The following HS3ST5 variants were observed in gnomAD, a reference collection of about 807,000 sequenced individuals.
The protein encoded by HS3ST5 is heparan sulfate-glucosamine 3-sulfotransferase 5.
In HS3ST5, 10 loss-of-function variants were observed where a neutral mutation model predicts 25.4. The ratio of observed to expected loss-of-function variants is 0.39; its 90% CI spans 0.24 to 0.67. The LOEUF is 0.67. Ranked by LOEUF, HS3ST5 falls within the 30% of genes least tolerant of loss-of-function variation. HS3ST5 has a pLI of 0.44. For missense variants in HS3ST5, 324 were observed against 420.7 expected, an observed-to-expected ratio of 0.77 and a Z score of 2.01; for synonymous variants, 170 against 162.4, an observed-to-expected ratio of 1.05 and a Z score of -0.36.
intron 1 of HS3ST5, among the ~76,000 whole-genome samples, chr6:114,335,354 A>T (rs1003698368): frequency 2.6e-5 from 4 of 152,178 alleles, no homozygotes; most frequent in South Asian, 2.1e-4. Context: ...TGATCTCTTA[A>T]GTCAAGTTAT....
At chr6:114,095,388 T>A (rs1775368079) in intron 3 of HS3ST5, among the ~76,000 whole-genome samples, 1 of 152,158 alleles carries the variant, frequency 6.6e-6, no homozygotes, top group Non-Finnish European at 1.5e-5. Flanking sequence ...CCCGTCAAAC[T>A]AGTGAAGTTC....
At chr6:114,277,011 T>C (rs1773886045) in intron 1 of HS3ST5, among the ~76,000 whole-genome samples, 1 of 151,928 alleles carries the variant, frequency 6.6e-6, no homozygotes, top group African/African-American at 2.4e-5. Context: ...AGAATGAACA[T>C]CAATATGACT....
chr6:114,254,904 C>T (rs1280852278), intron 1 of HS3ST5, among the ~76,000 whole-genome samples: 1 of 152,142 alleles, frequency 6.6e-6, no homozygotes, highest in East Asian at 1.9e-4. Context: ...GGTAGGGACA[C>T]AGCCAAACCA....
chr6:114,324,802 C>T (rs1478613719), intron 1 of HS3ST5, among the ~76,000 whole-genome samples: 5 of 152,160 alleles, frequency 3.3e-5, no homozygotes, highest in Non-Finnish European at 7.4e-5. Flanking sequence ...CTCCACAGGT[C>T]TGAACTATCA....
intron 2 of HS3ST5, among the ~76,000 whole-genome samples, chr6:114,226,191 A>T (rs920873368): frequency 6.6e-6 from 1 of 151,962 alleles, no homozygotes; most frequent in African/African-American, 2.4e-5. Context: ...TTGAAAGTAC[A>T]TTGTCTTATT....
chr6:114,211,120 T>A (rs891778649), intron 2 of HS3ST5, among the ~76,000 whole-genome samples: 1 of 152,232 alleles, frequency 6.6e-6, no homozygotes, highest in Non-Finnish European at 1.5e-5. Flanking sequence ...CTGGACACAT[T>A]CTTATTACAA....
intron 3 of HS3ST5, among the ~76,000 whole-genome samples, chr6:114,123,838 AT>A (rs142137287): frequency 0.089 from 13,484 of 151,830 alleles, 628 homozygotes; most frequent in East Asian, 0.13. Context: ...CTCCAAGATA[AT>A]TTTTTTTTCT....
At chr6:114,145,793 G>A (rs1778133357) in intron 3 of HS3ST5, among the ~76,000 whole-genome samples, 1 of 152,200 alleles carries the variant, frequency 6.6e-6, no homozygotes, top group African/African-American at 2.4e-5. Flanking sequence ...CAGGAACACA[G>A]CTGTCTGCCC....
In HS3ST5 at chr6:114,203,820, C is replaced by A. The variant is rs561698310; in HGVS notation, c.-145+24765G>T. Among the ~76,000 whole-genome samples the A allele has an allele frequency of 1.4e-4, 22 of 152,286 alleles. No homozygotes were observed. The South Asian group carries it at 4.4e-3, about 30-fold the overall frequency. ...GGCAGATTTGAGAAATGTCTCCTGT[C>A]CTGCATGGCTGGCTTAGCAATAATT... On this transcript the variant is annotated intron_variant, in intron 2 of 4. Transcript: ENST00000312719.
intron 3 of HS3ST5, among the ~76,000 whole-genome samples, chr6:114,094,763 C>T (rs1298207070): frequency 6.6e-6 from 1 of 152,100 alleles, no homozygotes; most frequent in African/African-American, 2.4e-5. Context: ...ATCTCCTCCC[C>T]GTGAGTATGG....
intron 3 of HS3ST5, among the ~76,000 whole-genome samples, chr6:114,123,928 T>A (rs1776914651): frequency 6.6e-6 from 1 of 152,204 alleles, no homozygotes; most frequent in East Asian, 1.9e-4. Context: ...TATTTCTTTT[T>A]TCAAGAATTA....
intron 1 of HS3ST5, among the ~76,000 whole-genome samples, chr6:114,254,297 G>T (rs1772799711): frequency 6.6e-6 from 1 of 152,210 alleles, no homozygotes; most frequent in African/African-American, 2.4e-5. Flanking sequence ...ATCCTGGCAG[G>T]TTCAACATGG....
At chr6:114,237,174 A>G (rs910372537) in intron 1 of HS3ST5, among the ~76,000 whole-genome samples, 1 of 152,350 alleles carries the variant, frequency 6.6e-6, no homozygotes, top group East Asian at 1.9e-4. Flanking sequence ...GGAAATGTAG[A>G]ACATCCATGT....
intron 2 of HS3ST5, among the ~76,000 whole-genome samples, chr6:114,215,633 G>C (rs910029688): frequency 1.3e-5 from 2 of 151,760 alleles, no homozygotes; most frequent in Non-Finnish European, 2.9e-5. Flanking sequence ...TTGTCCTCCT[G>C]GCCATCAAGG....
At chr6:114,310,724 A>G (rs1775496384) in intron 1 of HS3ST5, among the ~76,000 whole-genome samples, 1 of 152,188 alleles carries the variant, frequency 6.6e-6, no homozygotes, top group African/African-American at 2.4e-5. Flanking sequence ...CGTAGAGTTG[A>G]AAAATCATTA....
intron 1 of HS3ST5, among the ~76,000 whole-genome samples, chr6:114,245,364 A>G (rs930431748): frequency 6.6e-6 from 1 of 152,176 alleles, no homozygotes; most frequent in Non-Finnish European, 1.5e-5. Flanking sequence ...AGACAGAAAC[A>G]GGTTAGAAAA....
chr6:114,185,837 C>T (rs1015565621), intron 2 of HS3ST5, among the ~76,000 whole-genome samples: 4 of 151,520 alleles, frequency 2.6e-5, no homozygotes, highest in Non-Finnish European at 5.9e-5. Flanking sequence ...CTCCAAGGCT[C>T]AAGAGATTCT....
At chr6:114,290,410 G>A (rs1774522209) in intron 1 of HS3ST5, among the ~76,000 whole-genome samples, 1 of 152,096 alleles carries the variant, frequency 6.6e-6, no homozygotes, top group Non-Finnish European at 1.5e-5. Flanking sequence ...CTTTAAAGAT[G>A]TCATGGTACA....
intron 3 of HS3ST5, among the ~76,000 whole-genome samples, chr6:114,111,639 T>C (rs1347921081): frequency 1.3e-5 from 2 of 152,160 alleles, no homozygotes; most frequent in African/African-American, 2.4e-5. Flanking sequence ...AAACAGAATG[T>C]GAAGCTGGGT....
Sources: allele counts gnomAD v4.1 joint callset (sites outside exome capture counted in the v4.1 genomes callset), GRCh38; gene constraint gnomAD v4.1.1; transcripts MANE v1.5; gene names NCBI Gene and HGNC (gene_info 2026-07-23, HGNC 2026-07-21).